CYSTM1: variants seen among roughly 807,000 people sequenced by gnomAD.
CYSTM1 encodes the protein cysteine rich transmembrane module containing 1, also known as cysteine-rich transmembrane module-containing protein 1.
In CYSTM1, 4 loss-of-function variants were observed where a neutral mutation model predicts 13.1. That is an observed-to-expected ratio of 0.31 (90% CI 0.15 to 0.70). The LOEUF is 0.70. CYSTM1 is among the 30% of genes least tolerant of loss of function. The pLI is 0.72. For missense variants in CYSTM1, 96 were observed against 121.6 expected (o/e 0.79, Z 0.99); for synonymous variants, 36 against 42.7 (o/e 0.84, Z 0.62).
At chr5:140,208,671 T>C (rs1391919888) in intron 2 of CYSTM1, among the ~76,000 whole-genome samples, 1 of 152,182 alleles carries the variant, frequency 6.6e-6, no homozygotes, top group East Asian at 1.9e-4. Flanking sequence ...TATCAAAACA[T>C]CTCATGTACC....
intron 2 of CYSTM1, among the ~76,000 whole-genome samples, chr5:140,224,382 G>A (rs1764525164): frequency 1.3e-5 from 2 of 151,930 alleles, no homozygotes; most frequent in South Asian, 2.1e-4. Flanking sequence ...CAGGTGATCC[G>A]CCCGCCTCGG....
At chr5:140,185,128 T>C (rs1243490745) in intron 1 of CYSTM1, among the ~76,000 whole-genome samples, 1 of 152,186 alleles carries the variant, frequency 6.6e-6, no homozygotes, top group Non-Finnish European at 1.5e-5. Context: ...CAGTGTGTGG[T>C]TTTTGTATCA....
chr5:140,210,876 G>A (rs1764359466), intron 2 of CYSTM1, among the ~76,000 whole-genome samples: 2 of 152,106 alleles, frequency 1.3e-5, no homozygotes, highest in Non-Finnish European at 2.9e-5. Context: ...TTCCTAATAA[G>A]CTTCATGAGC....
chr5:140,207,003 T>C (rs997914741), intron 2 of CYSTM1, among the ~76,000 whole-genome samples: 1 of 152,156 alleles, frequency 6.6e-6, no homozygotes, highest in African/African-American at 2.4e-5. Context: ...TCTGAGCACA[T>C]ATCCTGGGAC....
chr5:140,236,288 C>T (rs984008447), intron 2 of CYSTM1, among the ~76,000 whole-genome samples: 1 of 152,122 alleles, frequency 6.6e-6, no homozygotes, highest in African/African-American at 2.4e-5. Flanking sequence ...CCACAGTTAC[C>T]TTGTGGCATT....
intron 1 of CYSTM1, among the ~76,000 whole-genome samples, chr5:140,188,640 G>T (rs1160943368): frequency 6.6e-6 from 1 of 151,950 alleles, no homozygotes; most frequent in African/African-American, 2.4e-5. Flanking sequence ...TTAGCTGGGC[G>T]CAGTGGCGGG....
At chr5:140,211,601 A>T (rs1376092480) in intron 2 of CYSTM1, among the ~76,000 whole-genome samples, 1 of 152,160 alleles carries the variant, frequency 6.6e-6, no homozygotes, top group African/African-American at 2.4e-5. Flanking sequence ...AAATTGTTTT[A>T]TAACCTACTC....
intron 2 of CYSTM1, chr5:140,200,617 G>A (rs1407136737): frequency 1.5e-5 from 2 of 134,674 alleles, no homozygotes; most frequent in African/African-American, 5.7e-5. Flanking sequence ...CTGGAGTGCA[G>A]TGGCACAATC....
chr5:140,212,734 G>C (rs1030011623), intron 2 of CYSTM1, among the ~76,000 whole-genome samples: 1 of 152,162 alleles, frequency 6.6e-6, no homozygotes, highest in Middle Eastern at 3.4e-3. Context: ...TGGGAGGCCA[G>C]AGTGAGTGGA....
chr5:140,211,281 T>C (rs17286620), intron 2 of CYSTM1, among the ~76,000 whole-genome samples: 29,525 of 152,170 alleles, frequency 0.19, 3,053 homozygotes, highest in South Asian at 0.24. Flanking sequence ...AACTTGTTCA[T>C]GGTCACAGAG....
intron 2 of CYSTM1, among the ~76,000 whole-genome samples, chr5:140,241,236 G>A (rs1315465051): frequency 1.3e-5 from 2 of 152,246 alleles, no homozygotes; most frequent in Non-Finnish European, 2.9e-5. Flanking sequence ...TAAGCTGCCT[G>A]AGGTTCAGGG....
chr5:140,181,365 A>C (rs1321703267), intron 1 of CYSTM1, among the ~76,000 whole-genome samples: 1 of 152,142 alleles, frequency 6.6e-6, no homozygotes, highest in Non-Finnish European at 1.5e-5. Flanking sequence ...CTCTAAAGCC[A>C]ATCTAATCTT....
At chr5:140,231,591 A>G (rs1355008094) in intron 2 of CYSTM1, among the ~76,000 whole-genome samples, 5 of 152,268 alleles carry the variant, frequency 3.3e-5, no homozygotes, top group Non-Finnish European at 7.3e-5. Flanking sequence ...GAGAAGAGAC[A>G]TAATGCCATG....
At chr5:140,224,522 TTTTTC>T (rs1342194224) in intron 2 of CYSTM1, among the ~76,000 whole-genome samples, 2 of 152,120 alleles carry the variant, frequency 1.3e-5, no homozygotes, top group African/African-American at 4.8e-5. Context: ...ATTGTTTCTT[TTTTTC>T]TTTTATTTTT....
At chr5:140,240,667 C>T (rs979106373) in intron 2 of CYSTM1, among the ~76,000 whole-genome samples, 2 of 152,072 alleles carry the variant, frequency 1.3e-5, no homozygotes, top group African/African-American at 4.8e-5. Context: ...GGCTGTGCAG[C>T]TCAGTGCACC....
intron 1 of CYSTM1, among the ~76,000 whole-genome samples, chr5:140,176,962 G>A (rs983116951): frequency 6.6e-6 from 1 of 151,478 alleles, no homozygotes; most frequent in African/African-American, 2.4e-5. Flanking sequence ...CCAGCTACAC[G>A]GGAGGCTGAG....
rs191118090 is a variant in CYSTM1, at chr5:140,226,395, A to G, written c.188-16910A>G. Among the ~76,000 whole-genome samples, 373 of 146,956 alleles carry G rather than the reference A, an allele frequency of 2.5e-3. 5 individuals are homozygous for G. Among genetic ancestry groups the G allele is most frequent in the African/African-American group, 8.7e-3 (345 of 39,732 alleles). Reference sequence around the variant, plus strand: ...TATAATCCCAGCACTTTGGGAGGCCAAGGTAGGCGGATCACTTGAGGTCAG... The same window carrying G: ...TATAATCCCAGCACTTTGGGAGGCCGAGGTAGGCGGATCACTTGAGGTCAG... On this transcript the variant is annotated intron_variant, in intron 2 of 2. Coordinates refer to ENST00000261811, the MANE Select transcript of CYSTM1 (RefSeq NM_032412.4).
intron 2 of CYSTM1, among the ~76,000 whole-genome samples, chr5:140,242,198 G>C (rs1209447327): frequency 6.6e-6 from 1 of 152,134 alleles, no homozygotes; most frequent in Admixed American, 6.5e-5. Flanking sequence ...AGTGGACTAG[G>C]ATTAAACCTG....
chr5:140,238,964 G>A (rs1353161778), intron 2 of CYSTM1, among the ~76,000 whole-genome samples: 1 of 152,166 alleles, frequency 6.6e-6, no homozygotes, highest in Non-Finnish European at 1.5e-5. Context: ...CCAGCCCTGG[G>A]TGCCCATCGC....
Sources: gnomAD v4.1 joint callset for allele counts (sites outside exome capture counted in the v4.1 genomes callset) on GRCh38, gnomAD v4.1.1 for gene constraint, MANE v1.5 for transcripts, NCBI Gene and HGNC (gene_info 2026-07-23, HGNC 2026-07-21) for gene names.